DNAH17: variants seen among roughly 807,000 people sequenced by gnomAD.
DNAH17 encodes axonemal beta dynein heavy chain 17.
In DNAH17, 376 loss-of-function variants were observed where a neutral mutation model predicts 485.6. That is an observed-to-expected ratio of 0.77 (90% CI 0.71 to 0.84). The LOEUF is 0.84. Among genes scored for constraint, DNAH17 ranks in the 40% least tolerant of loss-of-function variants. The pLI is 0.00. For synonymous variants in DNAH17, 3,031 were observed against 2,405.9 expected (o/e 1.26, Z -7.60); for missense variants, 6,370 against 5,839.3 (o/e 1.09, Z -2.96).
chr17:78,496,436 T>C (rs1169857730), intron 37 of DNAH17, among the ~76,000 whole-genome samples: 1 of 118,426 alleles, frequency 8.4e-6, no homozygotes, highest in East Asian at 2.9e-4. Context: ...TCTTGCCTAA[T>C]AACAGTACCA....
rs527676143 is a variant in DNAH17 at position 78,510,428 on chromosome 17, G to C, written c.4192C>G (p.Arg1398Gly). Residue 1398 changes from arginine (R) to glycine (G), a missense_variant, in exon 27 of 81, where the codon CGC becomes GGC. Coordinates refer to ENST00000389840, the MANE Select transcript of DNAH17 (RefSeq NM_173628.4). ...TTCACGGCCTTGTCCACGATGTTGC[G>C]GACCTCATCCTCGTAACTGTGGAGG... ...LNLHSYEDEVRNIVDKAVKES... is the reference protein window; with the variant it reads ...LNLHSYEDEVGNIVDKAVKES... 5 of 1,613,588 alleles carry C rather than the reference G, an allele frequency of 3.1e-6. No individual in the cohort carries two copies. The highest frequency in any genetic ancestry group is 1.1e-5 in the South Asian group (1 of 91,064).
chr17:78,533,534 C>T (rs886754686), intron 19 of DNAH17, among the ~76,000 whole-genome samples: 5 of 152,104 alleles, frequency 3.3e-5, no homozygotes, highest in Admixed American at 6.5e-5. Flanking sequence ...CAGTGCTATA[C>T]GGATCTTTTT....
At chr17:78,534,470 G>A (rs548670048) in intron 19 of DNAH17, among the ~76,000 whole-genome samples, 2 of 152,350 alleles carry the variant, frequency 1.3e-5, no homozygotes, top group South Asian at 4.1e-4. Context: ...GTGGCTGCAG[G>A]AAAGCATTTG....
At chr17:78,456,333 A>G (rs1225352131) in intron 62 of DNAH17, among the ~76,000 whole-genome samples, 3 of 152,032 alleles carry the variant, frequency 2.0e-5, no homozygotes, top group East Asian at 3.9e-4. Context: ...AAAACAAACA[A>G]AAAACTCCTT....
intron 20 of DNAH17, among the ~76,000 whole-genome samples, chr17:78,530,971 T>A (rs905828236): frequency 6.6e-6 from 1 of 152,228 alleles, no homozygotes. Flanking sequence ...GGAACAGAGC[T>A]AGAGGTTTGT....
chr17:78,567,378 G>A (rs1405393242), intron 9 of DNAH17, among the ~76,000 whole-genome samples: 1 of 152,040 alleles, frequency 6.6e-6, no homozygotes, highest in African/African-American at 2.4e-5. Flanking sequence ...GGAAGGAAGG[G>A]CTCTGTGAAT....
chr17:78,568,038 G>A (rs184666383), intron 9 of DNAH17, among the ~76,000 whole-genome samples: 232 of 152,252 alleles, frequency 1.5e-3, no homozygotes, highest in Non-Finnish European at 2.4e-3. Flanking sequence ...ACACCACCCC[G>A]AGGAGACAGG....
chr17:78,557,286 T>C (rs1288989145), intron 14 of DNAH17, among the ~76,000 whole-genome samples: 2 of 152,114 alleles, frequency 1.3e-5, no homozygotes, highest in African/African-American at 4.8e-5. Context: ...TTTAATATTA[T>C]CCAAAATTTG....
chr17:78,472,545 A>G (rs922610100), intron 54 of DNAH17: 3 of 293,894 alleles, frequency 1.0e-5, no homozygotes, highest in African/African-American at 6.9e-5. Context: ...TTCATGGGGC[A>G]GCCCAGCTCT....
intron 75 of DNAH17, among the ~76,000 whole-genome samples, chr17:78,431,628 C>CA (rs1375187144): frequency 6.6e-6 from 1 of 152,142 alleles, no homozygotes; most frequent in Non-Finnish European, 1.5e-5. Flanking sequence ...ACACAGATGA[C>CA]ATCATTCCCG....
At position 78,514,979 on chromosome 17, in the gene DNAH17, T is replaced by G; in HGVS notation, c.3908A>C (p.Asp1303Ala). The part of the protein sequence containing the change: ...IEDWKTTKWK[D>A]INVEQMDIDC... ...TATGTCCATCTGCTCAACGTTGATA[T>G]CTTTCCACTTGGTGGTCTTCCAGTC... Residue 1303 changes from aspartate to alanine, a missense_variant, in exon 26 of 81, where the codon GAT (aspartate) becomes GCT (alanine). Coordinates refer to ENST00000389840, the MANE Select transcript of DNAH17 (RefSeq NM_173628.4). The G allele has an allele frequency of 6.2e-7, 1 of 1,614,036 alleles. No homozygotes were observed. The highest frequency in any genetic ancestry group is 8.5e-7 in the Non-Finnish European group (1 of 1,179,896).
At chr17:78,522,428 G>T in intron 25 of DNAH17, 1 of 293,692 alleles carries the variant, frequency 3.4e-6, no homozygotes, top group Non-Finnish European at 6.9e-6. Context: ...TTTGTTTCAG[G>T]GAACAATCTT....
At chr17:78,515,079 A>G (rs2090746238) in intron 25 of DNAH17, 57 bp from the exon 26 acceptor site, 1 of 1,597,562 alleles carries the variant, frequency 6.3e-7, no homozygotes, top group Non-Finnish European at 8.5e-7. Context: ...ATTCAGGAAG[A>G]AAACCCTCTT....
chr17:78,547,746 T>C (rs969266129), intron 16 of DNAH17, among the ~76,000 whole-genome samples: 1 of 152,082 alleles, frequency 6.6e-6, no homozygotes, highest in African/African-American at 2.4e-5. Context: ...GCCTCTCTAG[T>C]AGCTGGGATC....
In DNAH17 at chr17:78,461,598, G is replaced by A. The variant is rs751931882; in HGVS notation, c.9285C>T (p.Ser3095=). Residue 3095 remains serine (S), a synonymous_variant, in exon 58 of 81, where the codon AGC becomes AGT. Coordinates refer to ENST00000389840, the MANE Select transcript of DNAH17 (RefSeq NM_173628.4). ...CCTGGTCAGCAATGGCCTTCTCTTT[G>A]CTGACCTTCTCGGCCTCGATGCCGA... The part of the protein sequence containing the change: ...QVVGIEAEKV[S]KEKAIADQEE... 3.1e-6 allele frequency: 5 copies of A among 1,606,940 alleles called. No homozygotes were observed. Among genetic ancestry groups the A allele is most frequent in the African/African-American group, 1.3e-5 (1 of 74,912 alleles).
chr17:78,574,606 G>T, intron 2 of DNAH17, 107 bp downstream of exon 2: 1 of 980,962 alleles, frequency 1.0e-6, no homozygotes, highest in Non-Finnish European at 1.5e-6. Flanking sequence ...CCCCGGCTCT[G>T]CAGCTGCTGC....
Position 78,486,219 on chromosome 17 carries a change from A to G in DNAH17, c.7101+5T>C, listed in dbSNP as rs759169022. The G allele has an allele frequency of 6.3e-7, 1 of 1,587,354 alleles. No individual in the cohort carries two copies. The highest frequency in any genetic ancestry group is 8.6e-7 in the Non-Finnish European group (1 of 1,164,722). ...GTGGGTGGCCGGGCCCCCCAGGTGC[A>G]TCACCTGGTCCTGGAACATGGCGCC... On this transcript the variant is annotated splice_donor_5th_base_variant and intron_variant, in intron 45 of 80. Coordinates refer to ENST00000389840, the MANE Select transcript of DNAH17 (RefSeq NM_173628.4).
chr17:78,507,353 G>C lies in DNAH17; in HGVS notation c.4601C>G (p.Ala1534Gly). The C allele has an allele frequency of 6.2e-7, 1 of 1,614,050 alleles. No individual in the cohort carries two copies. Among genetic ancestry groups the C allele is most frequent in the Non-Finnish European group, 8.5e-7 (1 of 1,179,902 alleles). Reference protein sequence around the residue: ...NQEFKALMEDAVKTPNVVEAT... With the variant: ...NQEFKALMEDGVKTPNVVEAT... ...TTCCACCACGTTGGGTGTTTTCACT[G>C]CATCTTCCATCAAGGCCTGGGAAGA... The change falls in exon 29 of 81, where the codon GCA (alanine) becomes GGA (glycine). Residue 1534 changes from alanine to glycine, a missense_variant. By Grantham distance (60) the Ala-to-Gly change is moderately conservative. Coordinates refer to ENST00000389840, the MANE Select transcript of DNAH17 (RefSeq NM_173628.4).
chr17:78,551,724 G>A, intron 15 of DNAH17, 86 bp from the exon 16 acceptor site: 2 of 1,332,664 alleles, frequency 1.5e-6, no homozygotes, highest in Non-Finnish European at 2.1e-6. Context: ...AGCCCTTTGG[G>A]AGGTCAGGGC....
Sources: allele counts gnomAD v4.1 joint callset (sites outside exome capture counted in the v4.1 genomes callset), GRCh38; gene constraint gnomAD v4.1.1; transcripts MANE v1.5; gene names NCBI Gene and HGNC (gene_info 2026-07-23, HGNC 2026-07-21).